Variants in ADAMTSL1 observed in about 807,000 individuals in gnomAD.
ADAMTSL1 encodes the protein ADAMTS like 1.
ADAMTSL1 carries 126 observed loss-of-function variants against 201.8 expected under a neutral mutation model. The ratio of observed to expected loss-of-function variants is 0.62; its 90% CI spans 0.54 to 0.72. The LOEUF (loss-of-function observed/expected upper bound fraction) is 0.72, where lower values mean the gene tolerates loss of function less well. ADAMTSL1 is among the 30% of genes least tolerant of loss of function. The probability of loss-of-function intolerance (pLI) is 0.00; values close to 1 mark genes in which losing one functional copy is unlikely to be tolerated. For synonymous variants in ADAMTSL1, 1,121 were observed against 903.4 expected (o/e 1.24, Z -4.32); for missense variants, 2,679 against 2,277.8 (o/e 1.18, Z -3.59).
chr9:17,966,253 A>C (rs1217204196), intron 1 of ADAMTSL1, among the ~76,000 whole-genome samples: 2 of 152,160 alleles, frequency 1.3e-5, no homozygotes, highest in Non-Finnish European at 2.9e-5. Context: ...TAAGTATAGT[A>C]AGTGCTATGT....
intron 1 of ADAMTSL1, among the ~76,000 whole-genome samples, chr9:18,005,411 C>T (rs1013255833): frequency 2.0e-5 from 3 of 152,030 alleles, no homozygotes; most frequent in Non-Finnish European, 4.4e-5. Context: ...TTTTCCCAAG[C>T]ACAACTTGCT....
chr9:17,913,255 G>A (rs887503968), intron 1 of ADAMTSL1, among the ~76,000 whole-genome samples: 4 of 152,038 alleles, frequency 2.6e-5, no homozygotes, highest in Non-Finnish European at 5.9e-5. Flanking sequence ...AGCTTGATGG[G>A]GATGGCATTG....
intron 2 of ADAMTSL1, among the ~76,000 whole-genome samples, chr9:18,393,514 C>T (rs1483307872): frequency 2.0e-5 from 3 of 152,146 alleles, no homozygotes; most frequent in Non-Finnish European, 4.4e-5. Context: ...AGTCATAGTT[C>T]TTCTGATATG....
rs116788282 is a variant in ADAMTSL1 at position 18,322,205 on chromosome 9, A to G, written c.207+158224A>G. On this transcript the variant is annotated intron_variant, in intron 2 of 29. Coordinates refer to the ADAMTSL1 transcript ENST00000680146. ...CTGAGTTGCCCCTTTAAGATTTTAAAAGAGGAAGAATACATTGAACCCAAA... is the reference window on the plus strand; with the variant it reads ...CTGAGTTGCCCCTTTAAGATTTTAAGAGAGGAAGAATACATTGAACCCAAA... 5.5e-3 allele frequency among the ~76,000 whole-genome samples: 835 copies of G among 152,326 alleles called. 9 individuals are homozygous for G. The highest frequency in any genetic ancestry group is 0.019 in the African/African-American group (806 of 41,562).
intron 7 of ADAMTSL1, among the ~76,000 whole-genome samples, chr9:18,647,925 C>T (rs953205347): frequency 6.7e-6 from 1 of 150,150 alleles, no homozygotes; most frequent in Non-Finnish European, 1.5e-5. Flanking sequence ...GAGCTGAGTT[C>T]AATTCCTGGG....
intron 7 of ADAMTSL1, among the ~76,000 whole-genome samples, chr9:18,655,448 A>G (rs1828567516): frequency 6.6e-6 from 1 of 152,172 alleles, no homozygotes; most frequent in Admixed American, 6.5e-5. Context: ...TCAAAATTAC[A>G]TATACCAGAT....
At chr9:18,192,462 G>A (rs558683337) in intron 2 of ADAMTSL1, among the ~76,000 whole-genome samples, 9 of 152,040 alleles carry the variant, frequency 5.9e-5, no homozygotes, top group African/African-American at 1.9e-4. Context: ...TCAGAAATTC[G>A]TCCTACCATA....
At position 18,703,727 on chromosome 9, in the gene ADAMTSL1, T is replaced by TATATATATATATATATAC. The variant is rs1832067894; in HGVS notation, c.1575-3012_1575-3011insATATATATACATATATAT. Among the ~76,000 whole-genome samples the TATATATATATATATATAC allele has an allele frequency of 2.9e-5, 4 of 139,010 alleles. No individual in the cohort carries two copies. In the South Asian group the frequency reaches 9.3e-4, roughly 32 times the overall value. 91.2% of individuals were successfully genotyped at this position (139,010 alleles called of 152,430 possible). On this transcript the variant is annotated intron_variant, in intron 13 of 28. Transcript: ENST00000380548. ...ATATATATATATATATATATATATA[T>TATATATATATATATATAC]ATATATATGTTTTAATTGAAGCATG... is the stretch of plus-strand genomic sequence containing the variant.
At chr9:18,011,184 T>C (rs137892103) in intron 1 of ADAMTSL1, among the ~76,000 whole-genome samples, 73 of 152,144 alleles carry the variant, frequency 4.8e-4, no homozygotes, top group African/African-American at 1.6e-3. Flanking sequence ...ACAAAAGAGG[T>C]ATGTCAGAAA....
intron 2 of ADAMTSL1, among the ~76,000 whole-genome samples, chr9:18,388,141 C>T (rs1054860150): frequency 5.3e-5 from 8 of 151,384 alleles, no homozygotes; most frequent in Admixed American, 2.6e-4. Flanking sequence ...TTTTTATGTC[C>T]CTGAATTTTA....
chr9:18,457,060 T>C (rs1041734750), intron 2 of ADAMTSL1, among the ~76,000 whole-genome samples: 1 of 152,182 alleles, frequency 6.6e-6, no homozygotes, highest in Admixed American at 6.5e-5. Context: ...TGTTTCATCA[T>C]CTGTTTATCA....
chr9:18,367,613 C>G (rs1419812123), intron 2 of ADAMTSL1, among the ~76,000 whole-genome samples: 19 of 151,948 alleles, frequency 1.3e-4, no homozygotes, highest in Admixed American at 1.2e-3. Flanking sequence ...GTACTAGCCA[C>G]TGTTGTTCTA....
At position 18,054,887 on chromosome 9, in the gene ADAMTSL1, A is replaced by G. The variant is rs542271745; in HGVS notation, c.88-108975A>G. 5.3e-5 allele frequency among the ~76,000 whole-genome samples: 8 copies of G among 152,328 alleles called. No homozygotes were observed. In the East Asian group the frequency reaches 1.2e-3, roughly 22 times the overall value. ...ATGTGTGAAGTTCCCCTGCCCCCGC[A>G]ATCTTTTTGTAGAAGTAGTACTGAA... On this transcript the variant is annotated intron_variant, in intron 1 of 29. Coordinates refer to the ADAMTSL1 transcript ENST00000680146.
rs571688726 is a variant in ADAMTSL1, at chr9:18,604,985, T to C, written c.475-17258T>C. Among the ~76,000 whole-genome samples, 4 of 152,290 alleles carry C rather than the reference T, an allele frequency of 2.6e-5. 1 individual carries two copies. In the South Asian group the frequency reaches 6.2e-4, roughly 24 times the overall value. ...AACAGCTAGGACAATACCATTCCCA[T>C]AAAGAGTGTTGATTAAAAGACATGC... On this transcript the variant is annotated intron_variant, in intron 4 of 28. Transcript: ENST00000380548.
intron 1 of ADAMTSL1, among the ~76,000 whole-genome samples, chr9:17,927,539 C>T (rs1826599168): frequency 6.6e-6 from 1 of 151,834 alleles, no homozygotes; most frequent in African/African-American, 2.4e-5. Flanking sequence ...GGACCTGCAT[C>T]TGTGAATTCA....
intron 4 of ADAMTSL1, among the ~76,000 whole-genome samples, chr9:18,621,556 C>CCACA (rs57351480): frequency 0.095 from 13,665 of 143,482 alleles, 710 homozygotes; most frequent in Non-Finnish European, 0.12. Context: ...CCGTCCTCTT[C>CCACA]CACACACACA....
At chr9:18,168,719 T>C (rs1404023889) in intron 2 of ADAMTSL1, among the ~76,000 whole-genome samples, 4 of 145,936 alleles carry the variant, frequency 2.7e-5, no homozygotes, top group Non-Finnish European at 6.1e-5. Flanking sequence ...CCACAATGGT[T>C]GAACTAGTTT....
At chr9:18,531,600 T>C (rs559534291) in intron 2 of ADAMTSL1, among the ~76,000 whole-genome samples, 1 of 152,312 alleles carries the variant, frequency 6.6e-6, no homozygotes, top group African/African-American at 2.4e-5. Flanking sequence ...AGATAGTCTG[T>C]GTATAATTGT....
intron 2 of ADAMTSL1, among the ~76,000 whole-genome samples, chr9:18,341,339 C>G (rs1034797681): frequency 6.6e-6 from 1 of 152,050 alleles, no homozygotes; most frequent in African/African-American, 2.4e-5. Flanking sequence ...TTATGCTGTT[C>G]CCTTTGCCTA....
Sources: gnomAD v4.1 joint callset for allele counts (sites outside exome capture counted in the v4.1 genomes callset) on GRCh38, gnomAD v4.1.1 for gene constraint, MANE v1.5 for transcripts, NCBI Gene and HGNC (gene_info 2026-07-23, HGNC 2026-07-21) for gene names.